Variants in MX2 observed in about 807,000 individuals in gnomAD.
The protein encoded by MX2 is MX dynamin like GTPase 2.
A neutral mutation model predicts 74.0 loss-of-function variants in MX2; 51 were observed. The observed-to-expected ratio is 0.69, with a 90% confidence interval of 0.55 to 0.87. The LOEUF (loss-of-function observed/expected upper bound fraction) is 0.87, where lower values mean the gene tolerates loss of function less well. Among genes scored for constraint, MX2 ranks in the 40% least tolerant of loss-of-function variants. The pLI, the probability that MX2 is intolerant of heterozygous loss-of-function variation, is 0.00. For synonymous variants in MX2, 369 were observed against 339.3 expected, an observed-to-expected ratio of 1.09 and a Z score of -0.96; for missense variants, 832 against 908.7, an observed-to-expected ratio of 0.92 and a Z score of 1.09.
At chr21:41,378,844 C>A (rs116918997) in intron 3 of MX2, among the ~76,000 whole-genome samples, 1 of 152,080 alleles carries the variant, frequency 6.6e-6, no homozygotes, top group Non-Finnish European at 1.5e-5. Flanking sequence ...GCAGGTGCAG[C>A]GGCAGCAGAG....
chr21:41,383,761 G>A lies in MX2; in HGVS notation c.732+1197G>A, dbSNP rs79074796. On this transcript the variant is annotated intron_variant, in intron 5 of 13. Coordinates refer to ENST00000330714, the MANE Select transcript of MX2 (RefSeq NM_002463.2). The stretch of plus-strand genomic sequence containing the variant: ...AGTGATCTTCCTCAACATCCAAATC[G>A]CCATTCTCTGTCTCTCTAAGAGCAG... Among the ~76,000 whole-genome samples the A allele has an allele frequency of 7.7e-3, 1,172 of 152,196 alleles. 20 individuals carry two copies. The highest frequency in any genetic ancestry group is 0.027 in the African/African-American group (1,107 of 41,532).
At chr21:41,384,791 A>T (rs947299084) in intron 5 of MX2, among the ~76,000 whole-genome samples, 1 of 151,104 alleles carries the variant, frequency 6.6e-6, no homozygotes, top group African/African-American at 2.4e-5. Context: ...GTGAGCCAAG[A>T]TCGTGCCACT....
intron 10 of MX2, among the ~76,000 whole-genome samples, chr21:41,400,605 A>AGG: frequency 6.6e-6 from 1 of 151,984 alleles, no homozygotes; most frequent in East Asian, 1.9e-4. Context: ...GGCTAGGGAG[A>AGG]CCTCAGAAAA....
At chr21:41,379,545 C>T (rs963587930) in intron 3 of MX2, among the ~76,000 whole-genome samples, 1 of 152,152 alleles carries the variant, frequency 6.6e-6, no homozygotes, top group Non-Finnish European at 1.5e-5. Context: ...CTGGATGGGT[C>T]TCACTGCTCC....
chr21:41,385,305 C>G (rs1488282063), intron 5 of MX2, among the ~76,000 whole-genome samples: 3 of 152,186 alleles, frequency 2.0e-5, no homozygotes, highest in African/African-American at 7.2e-5. Context: ...GGCTGTGTCC[C>G]CACCCAAATC....
At chr21:41,399,504 G>A (rs1051538932) in intron 10 of MX2, 167 bp downstream of exon 10, 84 of 673,738 alleles carry the variant, frequency 1.2e-4, no homozygotes, top group Non-Finnish European at 2.0e-4. Context: ...AGAAATATGG[G>A]GCATCGACCT....
chr21:41,394,272 C>T (rs1454744891), intron 6 of MX2, among the ~76,000 whole-genome samples: 1 of 120,408 alleles, frequency 8.3e-6, no homozygotes, highest in Non-Finnish European at 1.5e-5. Context: ...CCTCTCTGAT[C>T]TCAGTTCCAC....
chr21:41,398,919 G>C lies in MX2; in HGVS notation c.1172G>C (p.Gly391Ala). 6.2e-7 allele frequency: 1 copy of C among 1,613,568 alleles called. No individual in the cohort carries two copies. Among genetic ancestry groups the C allele is most frequent in the Non-Finnish European group, 8.5e-7 (1 of 1,179,572 alleles). ...TAGAAATCGCTCCCGTTGTTAGAAG[G>C]ACAAATAAGGGAGAGCCACCAGAAG... ...HIQKSLPLLE[G>A]QIRESHQKAT... Residue 391 changes from glycine (G) to alanine (A), a missense_variant, in exon 9 of 14, where the codon GGA (glycine) becomes GCA (alanine). Transcript: ENST00000330714.
In MX2 at chr21:41,408,399, G is replaced by A; in HGVS notation, c.*166G>A. 1 of 940,334 alleles carries A rather than the reference G, an allele frequency of 1.1e-6. No homozygotes were observed. The highest frequency in any genetic ancestry group is 1.8e-5 in the South Asian group (1 of 56,914). 58.2% of individuals were successfully genotyped at this position (940,334 alleles called of 1,614,324 possible). A position where few individuals can be genotyped will look rare whatever the true frequency, so the allele number is the denominator to read the frequency against. On this transcript the variant is annotated 3_prime_UTR_variant, in exon 14 of 14. Coordinates refer to ENST00000330714, the MANE Select transcript of MX2 (RefSeq NM_002463.2). The stretch of plus-strand genomic sequence containing the variant: ...GAGCATGCATCAGGGGTCCACACAG[G>A]CTCAGCTCTCTCCACCACCCAGCTC...
intron 7 of MX2, among the ~76,000 whole-genome samples, chr21:41,396,900 G>A (rs749051092): frequency 1.3e-5 from 2 of 152,150 alleles, no homozygotes; most frequent in South Asian, 2.1e-4. Context: ...CCCTGAGGCC[G>A]GGGGAGGTGC....
rs551362795 is a variant in MX2, at chr21:41,388,974, G to C, written c.733-1591G>C. The stretch of plus-strand genomic sequence containing the variant: ...TGCCTAGGATGGCCACCATGGCAGA[G>C]TCATCCTTCTGAATTGTCAACAGTG... On this transcript the variant is annotated intron_variant, in intron 5 of 13. Coordinates refer to ENST00000330714, the MANE Select transcript of MX2 (RefSeq NM_002463.2). This position sits in a 1 kb window ranked among gnomAD's most constrained non-coding sequence, Gnocchi z 4.0. 1.2e-4 allele frequency among the ~76,000 whole-genome samples: 18 copies of C among 152,268 alleles called. No individual in the cohort carries two copies. The highest frequency in any genetic ancestry group is 1.0e-3 in the Admixed American group (16 of 15,298).
chr21:41,362,996 A>C (rs1306524989), intron 1 of MX2, among the ~76,000 whole-genome samples: 1 of 151,888 alleles, frequency 6.6e-6, no homozygotes, highest in Non-Finnish European at 1.5e-5. Flanking sequence ...CTGGCTCAAG[A>C]AGTCCTTACG....
In MX2 at chr21:41,389,586, CT is replaced by C. The variant is rs539516022; in HGVS notation, c.733-977del. On this transcript the variant is annotated intron_variant, in intron 5 of 13. Transcript: ENST00000330714. The stretch of plus-strand genomic sequence containing the variant: ...CATACATACATAAAAATTAAGATTG[CT>C]TATAACTTTAGCCAGTTAAGTTTTC... The C allele has an allele frequency of 3.3e-5, 5 of 152,242 alleles. No homozygotes were observed. In the East Asian group the frequency reaches 9.6e-4, roughly 29 times the overall value. The allele number at this position is 152,242 out of a possible 1,614,324, so 9.4% of individuals were successfully genotyped here. A position where few individuals can be genotyped will look rare whatever the true frequency, so the allele number is the denominator to read the frequency against.
At chr21:41,407,635 A>T (rs1263185725) in intron 13 of MX2, among the ~76,000 whole-genome samples, 1 of 152,132 alleles carries the variant, frequency 6.6e-6, no homozygotes, top group Non-Finnish European at 1.5e-5. Flanking sequence ...TGAAGAAGGA[A>T]TGAGGGGAGG....
chr21:41,385,860 T>A (rs2145910326), intron 5 of MX2, among the ~76,000 whole-genome samples: 1 of 151,782 alleles, frequency 6.6e-6, no homozygotes, highest in African/African-American at 2.4e-5. Flanking sequence ...CCATAACAGA[T>A]AGAATAATAA....
chr21:41,372,712 C>A (rs759815936), intron 1 of MX2, among the ~76,000 whole-genome samples: 10 of 152,146 alleles, frequency 6.6e-5, no homozygotes, highest in Non-Finnish European at 1.5e-4. Context: ...TCTGTGCTTC[C>A]GTAGCATCCC....
intron 3 of MX2, among the ~76,000 whole-genome samples, chr21:41,379,551 G>C (rs1463952565): frequency 1.3e-5 from 2 of 152,050 alleles, no homozygotes. Context: ...GGGTCTCACT[G>C]CTCCACATTC....
chr21:41,384,461 G>C (rs749233145), intron 5 of MX2, among the ~76,000 whole-genome samples: 1 of 152,176 alleles, frequency 6.6e-6, no homozygotes. Context: ...GGGGAAATAA[G>C]TGTGCGGTCT....
At chr21:41,387,855 A>G (rs768960478) in intron 5 of MX2, among the ~76,000 whole-genome samples, 1 of 152,106 alleles carries the variant, frequency 6.6e-6, no homozygotes, top group Non-Finnish European at 1.5e-5. Context: ...TGCTGGCCCC[A>G]TAGACATCCC....
Sources: allele counts gnomAD v4.1 joint callset (sites outside exome capture counted in the v4.1 genomes callset), GRCh38; gene constraint gnomAD v4.1.1; non-coding constraint Gnocchi (gnomAD v3.1); transcripts MANE v1.5; gene names NCBI Gene and HGNC (gene_info 2026-07-23, HGNC 2026-07-21).